NHS: variants seen among roughly 807,000 people sequenced by gnomAD.
NHS encodes the protein NHS actin remodeling regulator.
A neutral mutation model predicts 72.5 loss-of-function variants in NHS; 5 were observed. That is an observed-to-expected ratio of 0.07 (90% CI 0.04 to 0.14). NHS has a LOEUF of 0.14. Among genes scored for constraint, NHS ranks in the 10% least tolerant of loss-of-function variants. NHS has a pLI of 1.00. For missense variants in NHS, 1,072 were observed against 1,355.7 expected (o/e 0.79, Z 3.29); for synonymous variants, 464 against 547.7 (o/e 0.85, Z 2.13).
At chrX:17,592,100 CCTGT>C (rs1383223986) in intron 1 of NHS, among the ~76,000 whole-genome samples, 6 of 111,127 alleles carry the variant, frequency 5.4e-5, no homozygotes, top group African/African-American at 2.0e-4. Context: ...TCACTGTATA[CCTGT>C]CTATCTCTGT....
At chrX:17,415,157 C>T (rs1435097343) in intron 1 of NHS, among the ~76,000 whole-genome samples, 2 of 111,778 alleles carry the variant, frequency 1.8e-5, no homozygotes, top group African/African-American at 6.5e-5. Flanking sequence ...CTGTCTGGCT[C>T]CTTCCAGGAC....
intron 1 of NHS, among the ~76,000 whole-genome samples, chrX:17,412,754 T>C (rs2064567133): frequency 8.9e-6 from 1 of 112,795 alleles, no homozygotes. Context: ...ACTTGAACAA[T>C]GTTTGCATGC....
At chrX:17,515,099 C>A (rs1367058360) in intron 1 of NHS, among the ~76,000 whole-genome samples, 1 of 111,671 alleles carries the variant, frequency 9.0e-6, no homozygotes, top group Admixed American at 9.5e-5. Flanking sequence ...GCAGAATGGG[C>A]TTTTCTTTCA....
chrX:17,657,839 C>T (rs2065964540), intron 1 of NHS, among the ~76,000 whole-genome samples: 1 of 113,030 alleles, frequency 8.8e-6, no homozygotes, highest in Admixed American at 9.3e-5. Context: ...CAGTGGAGTT[C>T]GTTCCAGAAT....
intron 1 of NHS, among the ~76,000 whole-genome samples, chrX:17,593,742 C>T (rs2065613471): frequency 9.0e-6 from 1 of 111,622 alleles, no homozygotes; most frequent in Non-Finnish European, 1.9e-5. Context: ...CTGTAAACTT[C>T]TTACATGTCT....
chrX:17,713,509 C>T (rs1206757383), intron 3 of NHS, among the ~76,000 whole-genome samples: 1 of 112,131 alleles, frequency 8.9e-6, no homozygotes, highest in Non-Finnish European at 1.9e-5. Context: ...GCTATAAGTG[C>T]CATGTGGTAT....
chrX:17,683,727 T>C (rs1250779532), intron 1 of NHS, among the ~76,000 whole-genome samples: 2 of 111,930 alleles, frequency 1.8e-5, no homozygotes, highest in African/African-American at 6.5e-5. Flanking sequence ...AAAAACCTTT[T>C]TCCTGTTGTG....
At position 17,734,821 on chromosome X, in the gene NHS, C is replaced by T. The variant is rs758931882; in HGVS notation, c.*2357C>T. 1 of 112,006 alleles carries T rather than the reference C, an allele frequency of 8.9e-6. No individual in the cohort carries two copies. The highest frequency in any genetic ancestry group is 3.3e-5 in the African/African-American group (1 of 30,710). 9.2% of individuals were successfully genotyped at this position (112,006 alleles called of 1,213,427 possible). A position where few individuals can be genotyped will look rare whatever the true frequency, so the allele number is the denominator to read the frequency against. On this transcript the variant is annotated 3_prime_UTR_variant, in exon 9 of 9. Coordinates refer to ENST00000676302, the MANE Select transcript of NHS (RefSeq NM_001291867.2). ...AACCGTCATTTCCAGTCACAGTAGG[C>T]GATCTTTCGTAATTTCATAAAAGCA...
At chrX:17,545,015 T>G (rs2065285008) in intron 1 of NHS, among the ~76,000 whole-genome samples, 1 of 112,558 alleles carries the variant, frequency 8.9e-6, no homozygotes, top group Non-Finnish European at 1.9e-5. Context: ...GACTCCATTT[T>G]CAGGATGGAA....
chrX:17,703,486 C>G (rs1452669570), intron 3 of NHS, among the ~76,000 whole-genome samples: 1 of 112,134 alleles, frequency 8.9e-6, no homozygotes, highest in Non-Finnish European at 1.9e-5. Context: ...ACTAAGCTGA[C>G]TCTAGCAAAG....
chrX:17,647,375 G>A (rs1321237809), intron 1 of NHS, among the ~76,000 whole-genome samples: 1 of 112,318 alleles, frequency 8.9e-6, no homozygotes, highest in East Asian at 2.8e-4. Flanking sequence ...ATACAGTCAA[G>A]GTTGAGAACA....
At chrX:17,678,230 T>C (rs2066096873) in intron 1 of NHS, among the ~76,000 whole-genome samples, 1 of 109,907 alleles carries the variant, frequency 9.1e-6, no homozygotes, top group Admixed American at 9.8e-5. Flanking sequence ...GGATTAAGAG[T>C]GGCTTTTTGT....
chrX:17,439,135 G>T (rs954223932), intron 1 of NHS, among the ~76,000 whole-genome samples: 3 of 106,094 alleles, frequency 2.8e-5, no homozygotes, highest in Non-Finnish European at 5.8e-5. Flanking sequence ...GGTGGGGCAT[G>T]TGCCCATAGG....
intron 3 of NHS, among the ~76,000 whole-genome samples, chrX:17,715,963 A>G (rs1193519011): frequency 8.9e-6 from 1 of 112,066 alleles, no homozygotes; most frequent in Non-Finnish European, 1.9e-5. Context: ...GAGGAACCAA[A>G]GAACACAATC....
intron 1 of NHS, among the ~76,000 whole-genome samples, chrX:17,595,032 TG>T (rs1327617317): frequency 1.8e-5 from 2 of 111,732 alleles, no homozygotes; most frequent in East Asian, 5.6e-4. Context: ...TCATAGCTGG[TG>T]GGGAGGAGGA....
Position 17,562,559 on chromosome X carries a change from C to A in NHS, c.566-125183C>A, listed in dbSNP as rs147476256. ...AGGTATAAGGGAGATGGGGAGGGCA[C>A]AGATGGTGGCTGCTATAATCACAAA... On this transcript the variant is annotated intron_variant, in intron 1 of 8. Transcript: ENST00000676302. Among the ~76,000 whole-genome samples, 29 of 111,120 alleles carry A rather than the reference C, an allele frequency of 2.6e-4. No homozygotes were observed. The East Asian group carries it at 7.7e-3, about 29-fold the overall frequency.
chrX:17,522,983 C>T (rs973517832), intron 1 of NHS, among the ~76,000 whole-genome samples: 4 of 110,678 alleles, frequency 3.6e-5, no homozygotes, highest in Admixed American at 2.9e-4. Context: ...GGTCAGAGGT[C>T]GTCTCTGAGG....
chrX:17,479,904 C>G lies in NHS; in HGVS notation c.565+103582C>G, dbSNP rs186344481. Among the ~76,000 whole-genome samples, 521 of 111,779 alleles carry G rather than the reference C, an allele frequency of 4.7e-3. 6 individuals are homozygous for G. The highest frequency in any genetic ancestry group is 0.016 in the African/African-American group (494 of 30,779). ...AGAAGCTCTTTAGTTTAATTAGATG[C>G]CATTTGTCAATTTTGGCTTTTGTTG... On this transcript the variant is annotated intron_variant, in intron 1 of 8. Transcript: ENST00000676302.
At chrX:17,695,077 G>A (rs1447122982) in intron 3 of NHS, among the ~76,000 whole-genome samples, 1 of 112,283 alleles carries the variant, frequency 8.9e-6, no homozygotes, top group Non-Finnish European at 1.9e-5. Flanking sequence ...ATTCAAAATC[G>A]TTTACAATAA....
Sources: allele counts gnomAD v4.1 joint callset (sites outside exome capture counted in the v4.1 genomes callset), GRCh38; gene constraint gnomAD v4.1.1; transcripts MANE v1.5; gene names NCBI Gene and HGNC (gene_info 2026-07-23, HGNC 2026-07-21).